ANKRD11: variants seen among roughly 807,000 people sequenced by gnomAD.
ANKRD11 encodes the protein ankyrin repeat domain-containing protein 11.
In ANKRD11, 17 loss-of-function variants were observed where a neutral mutation model predicts 195.7. That is an observed-to-expected ratio of 0.09 (90% CI 0.06 to 0.13). ANKRD11 has a LOEUF of 0.13. Among genes scored for constraint, ANKRD11 ranks in the 10% least tolerant of loss-of-function variants. ANKRD11 has a pLI of 1.00. For missense variants in ANKRD11, 3,735 were observed against 3,566.1 expected (o/e 1.05, Z -1.21); for synonymous variants, 1,953 against 1,528.1 (o/e 1.28, Z -6.49).
chr16:89,348,057 C>T (rs538618543), intron 2 of ANKRD11, among the ~76,000 whole-genome samples: 20 of 152,130 alleles, frequency 1.3e-4, no homozygotes, highest in African/African-American at 4.8e-4. Context: ...CCTCAGCCTC[C>T]AGGGTAACTG....
At chr16:89,298,980 C>G (rs2035635253) in intron 4 of ANKRD11, 1 of 152,348 alleles carries the variant, frequency 6.6e-6, no homozygotes, top group Non-Finnish European at 1.5e-5. Flanking sequence ...ACCTGGCCAC[C>G]ACCCTCACCT....
At chr16:89,451,767 G>A (rs1217009954) in intron 1 of ANKRD11, among the ~76,000 whole-genome samples, 4 of 151,880 alleles carry the variant, frequency 2.6e-5, no homozygotes, top group African/African-American at 4.8e-5. Flanking sequence ...ATCACTGAAC[G>A]GCATACTTAC....
At chr16:89,313,802 T>G (rs2036764512) in intron 3 of ANKRD11, among the ~76,000 whole-genome samples, 1 of 152,150 alleles carries the variant, frequency 6.6e-6, no homozygotes, top group Non-Finnish European at 1.5e-5. Context: ...TCCCAGGCAT[T>G]CTATTTCAAG....
At chr16:89,461,492 C>A (rs2056667018) in intron 1 of ANKRD11, among the ~76,000 whole-genome samples, 2 of 152,130 alleles carry the variant, frequency 1.3e-5, no homozygotes, top group Admixed American at 1.3e-4. Context: ...CAGGCACCTG[C>A]CACCACGCCT....
intron 2 of ANKRD11, among the ~76,000 whole-genome samples, chr16:89,334,415 C>G (rs2038241047): frequency 6.6e-6 from 1 of 152,124 alleles, no homozygotes; most frequent in Admixed American, 6.5e-5. Context: ...CTTCTTACCC[C>G]TCCAAGCCTG....
chr16:89,467,459 C>T (rs2056925027), intron 1 of ANKRD11, among the ~76,000 whole-genome samples: 2 of 152,160 alleles, frequency 1.3e-5, no homozygotes, highest in East Asian at 3.8e-4. Context: ...AAACCCTGGG[C>T]TCAAGTGGCC....
intron 1 of ANKRD11, among the ~76,000 whole-genome samples, chr16:89,434,924 C>T (rs961903974): frequency 2.6e-5 from 4 of 152,192 alleles, no homozygotes; most frequent in African/African-American, 9.7e-5. Flanking sequence ...AGTGTCCATG[C>T]GGATGGCTAG....
intron 2 of ANKRD11, among the ~76,000 whole-genome samples, chr16:89,407,577 T>C (rs2041956425): frequency 6.6e-6 from 1 of 152,132 alleles, no homozygotes; most frequent in Non-Finnish European, 1.5e-5. Context: ...TCCAAGCACT[T>C]TGGGAGGCCG....
At chr16:89,399,759 T>G (rs372069783) in intron 2 of ANKRD11, among the ~76,000 whole-genome samples, 11 of 152,268 alleles carry the variant, frequency 7.2e-5, no homozygotes, top group African/African-American at 2.6e-4. Context: ...CTCTGTAATT[T>G]ATGTTCTATT....
intron 2 of ANKRD11, among the ~76,000 whole-genome samples, chr16:89,384,004 GAGCTC>G (rs1445065847): frequency 1.3e-5 from 2 of 152,144 alleles, no homozygotes; most frequent in Admixed American, 1.3e-4. Context: ...CAGGTCACCT[GAGCTC>G]AGCAGTTCAA....
chr16:89,282,035 C>G lies in ANKRD11; in HGVS notation c.4507G>C (p.Ala1503Pro). 6.2e-7 allele frequency: 1 copy of G among 1,613,442 alleles called. No individual in the cohort carries two copies. The highest frequency in any genetic ancestry group is 8.5e-7 in the Non-Finnish European group (1 of 1,179,956). ...LRHHRDEQKP[A>P]TRDKDSPPRV... is the part of the protein sequence containing the mutation. ...GGCGGGCTGTCCTTGTCCCTGGTGG[C>G]GGGCTTCTGCTCGTCCCTGTGATGC... Residue 1503 changes from alanine to proline, a missense_variant, in exon 9 of 13, where the codon GCC becomes CCC. Transcript: ENST00000301030.
At chr16:89,482,365 T>G (rs904157200) in intron 1 of ANKRD11, among the ~76,000 whole-genome samples, 10 of 152,024 alleles carry the variant, frequency 6.6e-5, no homozygotes, top group African/African-American at 2.4e-4. Flanking sequence ...TCATCAAAAC[T>G]GCCAAGGTCA....
chr16:89,293,246 TACACAGAC>T (rs1287844526), intron 4 of ANKRD11, among the ~76,000 whole-genome samples: 1 of 152,132 alleles, frequency 6.6e-6, no homozygotes, highest in Non-Finnish European at 1.5e-5. Flanking sequence ...ATCCCCGAGA[TACACAGAC>T]TTTGCAAAGC....
At chr16:89,469,378 C>T (rs541494836) in intron 1 of ANKRD11, among the ~76,000 whole-genome samples, 16 of 152,112 alleles carry the variant, frequency 1.1e-4, no homozygotes, top group Middle Eastern at 3.4e-3. Context: ...AACACTGCCA[C>T]GTCCAGCTAA....
intron 9 of ANKRD11, chr16:89,278,093 G>T: frequency 4.9e-6 from 1 of 204,266 alleles, no homozygotes; most frequent in African/African-American, 2.4e-5. Flanking sequence ...CAACCACACA[G>T]TCCGCTAGGC....
At chr16:89,345,910 G>A (rs1017496339) in intron 2 of ANKRD11, among the ~76,000 whole-genome samples, 13 of 152,170 alleles carry the variant, frequency 8.5e-5, no homozygotes, top group Admixed American at 1.3e-4. Flanking sequence ...AAGACGGTCC[G>A]ACATTTATGC....
intron 2 of ANKRD11, among the ~76,000 whole-genome samples, chr16:89,367,090 G>C (rs565515632): frequency 1.3e-5 from 2 of 152,204 alleles, no homozygotes; most frequent in South Asian, 4.2e-4. Flanking sequence ...ACTCCAAGAT[G>C]CCACCCCGAG....
chr16:89,485,962 GA>G (rs2057598397), intron 1 of ANKRD11, among the ~76,000 whole-genome samples: 1 of 152,140 alleles, frequency 6.6e-6, no homozygotes, highest in Admixed American at 6.5e-5. Context: ...AAACGATGAG[GA>G]AATCTGAATA....
At chr16:89,453,461 C>G (rs541380237) in intron 1 of ANKRD11, among the ~76,000 whole-genome samples, 2 of 152,298 alleles carry the variant, frequency 1.3e-5, no homozygotes, top group East Asian at 3.9e-4. Context: ...ACAGAATTCT[C>G]TTCCTTCCCA....
Sources: allele counts gnomAD v4.1 joint callset (sites outside exome capture counted in the v4.1 genomes callset), GRCh38; gene constraint gnomAD v4.1.1; transcripts MANE v1.5; gene names NCBI Gene and HGNC (gene_info 2026-07-23, HGNC 2026-07-21).